Variants in ACTN1 observed in about 807,000 individuals in gnomAD.
The protein encoded by ACTN1 is actinin alpha 1, also known as alpha-actinin-1.
Under a neutral mutation model 119.6 loss-of-function variants are expected in ACTN1, and 30 were observed. That is an observed-to-expected ratio of 0.25 (90% CI 0.19 to 0.34). ACTN1 has a LOEUF of 0.34. ACTN1 is among the 10% of genes least tolerant of loss of function. ACTN1 has a pLI of 1.00. For synonymous variants in ACTN1, 429 were observed against 472.6 expected, an observed-to-expected ratio of 0.91 and a Z score of 1.20; for missense variants, 764 against 1,223.4, an observed-to-expected ratio of 0.62 and a Z score of 5.60.
chr14:68,878,363 C>T lies in ACTN1; in HGVS notation c.2427+95G>A. Reference sequence around the variant, plus strand: ...TCCTCCAGGGAGGGCAGCCCCTAGCCTGAGGGCCTCCAGCCTGCCACTCCT... The same window carrying T: ...TCCTCCAGGGAGGGCAGCCCCTAGCTTGAGGGCCTCCAGCCTGCCACTCCT... On this transcript the variant is annotated intron_variant, in intron 20 of 21. Transcript: ENST00000394419. The surrounding 1 kb of genome is among the most constrained non-coding windows in gnomAD (Gnocchi z 4.4). 6.8e-7 allele frequency: 1 copy of T among 1,480,974 alleles called. No homozygotes were observed. The allele number at this position is 1,480,974 out of a possible 1,614,324, so 91.7% of individuals were successfully genotyped here. A position where few individuals can be genotyped will look rare whatever the true frequency, so the allele number is the denominator to read the frequency against.
chr14:68,933,287 C>T (rs1056534609), intron 1 of ACTN1, among the ~76,000 whole-genome samples: 8 of 152,128 alleles, frequency 5.3e-5, no homozygotes, highest in South Asian at 2.1e-4. Context: ...GCAAGCACCA[C>T]CATACCTGGG....
chr14:68,910,790 C>T (rs1043305186), intron 4 of ACTN1, among the ~76,000 whole-genome samples: 8 of 152,154 alleles, frequency 5.3e-5, no homozygotes, highest in African/African-American at 1.7e-4. Context: ...ATACTGTTCT[C>T]GTGGTAGTGA....
intron 8 of ACTN1, among the ~76,000 whole-genome samples, chr14:68,901,249 G>GTTTTTT (rs564351239): frequency 2.3e-4 from 24 of 103,492 alleles, no homozygotes; most frequent in African/African-American, 3.4e-4. Context: ...TTTTTGTTTT[G>GTTTTTT]TTTTTTTTTT....
At chr14:68,934,255 G>C (rs2035374976) in intron 1 of ACTN1, among the ~76,000 whole-genome samples, 1 of 152,224 alleles carries the variant, frequency 6.6e-6, no homozygotes, top group Admixed American at 6.5e-5. Flanking sequence ...ACAGGTCTTG[G>C]GGACATCAGC....
intron 8 of ACTN1, among the ~76,000 whole-genome samples, 159 bp downstream of exon 8, chr14:68,902,318 A>G (rs1184155387): frequency 6.6e-6 from 1 of 152,186 alleles, no homozygotes; most frequent in Non-Finnish European, 1.5e-5. Context: ...GAGCCAGGTA[A>G]GAACAACACG....
At chr14:68,932,143 G>A (rs2035249848) in intron 1 of ACTN1, among the ~76,000 whole-genome samples, 1 of 151,880 alleles carries the variant, frequency 6.6e-6, no homozygotes, top group Non-Finnish European at 1.5e-5. Flanking sequence ...TGTTGCCAAA[G>A]GAGATTAACA....
intron 1 of ACTN1, among the ~76,000 whole-genome samples, chr14:68,942,738 G>A (rs183194388): frequency 5.3e-4 from 81 of 152,284 alleles, no homozygotes; most frequent in Non-Finnish European, 9.1e-4. Flanking sequence ...ACTCAGCAGC[G>A]TATCAGGAAA....
chr14:68,920,901 G>A lies in ACTN1; in HGVS notation c.340+105C>T. On this transcript the variant is annotated intron_variant, in intron 3 of 21. Coordinates refer to ENST00000394419, the MANE Select transcript of ACTN1 (RefSeq NM_001130004.2). The stretch of plus-strand genomic sequence containing the variant: ...AGGTGCTGGGGACCCACTGCCCAAT[G>A]CCCCCAAGTGATGCATGGGCCCAGG... 4.8e-6 allele frequency: 7 copies of A among 1,467,566 alleles called. No homozygotes were observed. In the Admixed American group the frequency reaches 8.1e-5, roughly 17 times the overall value. The allele number at this position is 1,467,566 out of a possible 1,614,324, so 90.9% of individuals were successfully genotyped here.
At chr14:68,923,264 G>A (rs553917834) in intron 2 of ACTN1, among the ~76,000 whole-genome samples, 48 of 152,214 alleles carry the variant, frequency 3.2e-4, no homozygotes, top group African/African-American at 9.9e-4. Flanking sequence ...CAAGCGAACC[G>A]AAAATGACTA....
intron 1 of ACTN1, among the ~76,000 whole-genome samples, chr14:68,976,528 A>C (rs1320332161): frequency 6.6e-6 from 1 of 152,218 alleles, no homozygotes; most frequent in East Asian, 1.9e-4. Context: ...CAAACAAAAA[A>C]TGTGGATCTG....
At chr14:68,943,375 G>C (rs1233518324) in intron 1 of ACTN1, among the ~76,000 whole-genome samples, 2 of 152,228 alleles carry the variant, frequency 1.3e-5, no homozygotes, top group Non-Finnish European at 2.9e-5. Context: ...GGCAGGACGG[G>C]ACAAGGGGCT....
chr14:68,975,991 G>A (rs1303397721), intron 1 of ACTN1, among the ~76,000 whole-genome samples: 2 of 152,172 alleles, frequency 1.3e-5, no homozygotes, highest in East Asian at 3.9e-4. Context: ...GGGCAGAAAT[G>A]TGTCCCATTT....
At chr14:68,906,717 C>T (rs1351972741) in intron 6 of ACTN1, among the ~76,000 whole-genome samples, 2 of 152,202 alleles carry the variant, frequency 1.3e-5, no homozygotes, top group Non-Finnish European at 2.9e-5. Context: ...CCCTATTCTT[C>T]GGCACCAGTT....
intron 16 of ACTN1, among the ~76,000 whole-genome samples, chr14:68,881,941 T>G (rs921493999): frequency 4.5e-5 from 4 of 89,486 alleles, no homozygotes; most frequent in Non-Finnish European, 7.8e-5. Flanking sequence ...AGCTTCTTTT[T>G]TTTTTTTTTT....
At chr14:68,941,946 C>T (rs920573028) in intron 1 of ACTN1, among the ~76,000 whole-genome samples, 3 of 152,140 alleles carry the variant, frequency 2.0e-5, no homozygotes, top group East Asian at 1.9e-4. Flanking sequence ...AATGCCACAG[C>T]GCCACCCACC....
At chr14:68,898,155 G>T (rs930009087) in intron 8 of ACTN1, among the ~76,000 whole-genome samples, 3 of 152,218 alleles carry the variant, frequency 2.0e-5, no homozygotes, top group Non-Finnish European at 4.4e-5. Flanking sequence ...GATGGCTCAT[G>T]AATTTCTCTC....
chr14:68,922,317 C>T (rs914560281), intron 2 of ACTN1, among the ~76,000 whole-genome samples: 8 of 152,220 alleles, frequency 5.3e-5, no homozygotes, highest in African/African-American at 1.9e-4. Context: ...TTCTGGAAGA[C>T]GGCAGACTTC....
rs1208606308 is a variant in ACTN1, at chr14:68,893,715, C to T, written c.795G>A (p.Val265=). 4 of 1,614,156 alleles carry T rather than the reference C, an allele frequency of 2.5e-6. No individual in the cohort carries two copies. The highest frequency in any genetic ancestry group is 2.5e-6 in the Non-Finnish European group (3 of 1,180,024). The change falls in exon 9 of 22, where the codon GTG becomes GTA. Residue 265 remains valine, a synonymous_variant. Transcript: ENST00000394419. ...GCTCGTTCTCCTGGTTGACGGCCAACACCTTGCAGATGCGATTGGCTGCTG... is the reference window on the plus strand; with the variant it reads ...GCTCGTTCTCCTGGTTGACGGCCAATACCTTGCAGATGCGATTGGCTGCTG... ...AETAANRICK[V]LAVNQENEQL...
intron 1 of ACTN1, among the ~76,000 whole-genome samples, chr14:68,927,102 G>A (rs10139706): frequency 0.1 from 15,905 of 152,104 alleles, 1,045 homozygotes; most frequent in African/African-American, 0.17. Context: ...GAAGAGAAAC[G>A]GCGTATTGTG....
Sources: allele counts gnomAD v4.1 joint callset (sites outside exome capture counted in the v4.1 genomes callset), GRCh38; gene constraint gnomAD v4.1.1; non-coding constraint Gnocchi (gnomAD v3.1); transcripts MANE v1.5; gene names NCBI Gene and HGNC (gene_info 2026-07-23, HGNC 2026-07-21).